SPATA16: variants seen among roughly 807,000 people sequenced by gnomAD.
SPATA16 encodes the protein spermatogenesis associated 16.
SPATA16 carries 36 observed loss-of-function variants against 63.3 expected under a neutral mutation model. The observed-to-expected ratio is 0.57, with a 90% confidence interval of 0.44 to 0.75. SPATA16 has a LOEUF of 0.75. Ranked by LOEUF, SPATA16 falls within the 30% of genes least tolerant of loss-of-function variation. The probability of loss-of-function intolerance (pLI) is 0.00; values close to 1 mark genes in which losing one functional copy is unlikely to be tolerated. For missense variants in SPATA16, 646 were observed against 679.3 expected (o/e 0.95, Z 0.54); for synonymous variants, 203 against 216.7 (o/e 0.94, Z 0.56).
chr3:172,933,695 A>G (rs1048541366), intron 6 of SPATA16, among the ~76,000 whole-genome samples: 17 of 152,206 alleles, frequency 1.1e-4, no homozygotes, highest in African/African-American at 3.9e-4. Context: ...CCACCTGTGG[A>G]TCTTCAAGTT....
intron 4 of SPATA16, among the ~76,000 whole-genome samples, chr3:173,003,252 CAGA>C (rs1734866562): frequency 6.6e-6 from 1 of 151,956 alleles, no homozygotes; most frequent in Non-Finnish European, 1.5e-5. Context: ...GAGTACTTTA[CAGA>C]AGAAGAAACA....
chr3:172,994,968 G>A (rs1349446841), intron 4 of SPATA16, among the ~76,000 whole-genome samples: 1 of 152,036 alleles, frequency 6.6e-6, no homozygotes, highest in African/African-American at 2.4e-5. Flanking sequence ...AGCCAAATGG[G>A]GGTGCTTGAA....
At chr3:173,007,558 C>G (rs1734970190) in intron 4 of SPATA16, among the ~76,000 whole-genome samples, 1 of 152,038 alleles carries the variant, frequency 6.6e-6, no homozygotes. Context: ...TATAAAATAG[C>G]TTTGAAATCC....
intron 10 of SPATA16, among the ~76,000 whole-genome samples, chr3:172,898,976 A>G (rs1732067745): frequency 6.6e-6 from 1 of 151,802 alleles, no homozygotes; most frequent in Non-Finnish European, 1.5e-5. Flanking sequence ...GAACTATCCA[A>G]GTATTTGCAG....
intron 4 of SPATA16, among the ~76,000 whole-genome samples, chr3:173,013,089 C>A (rs950336129): frequency 6.6e-6 from 1 of 151,988 alleles, no homozygotes; most frequent in Admixed American, 6.6e-5. Context: ...AATAAAAAAC[C>A]ATTAAAAATT....
At chr3:173,083,931 A>G (rs542697123) in intron 2 of SPATA16, among the ~76,000 whole-genome samples, 3 of 152,220 alleles carry the variant, frequency 2.0e-5, no homozygotes, top group South Asian at 2.1e-4. Flanking sequence ...GCTATTGTGA[A>G]TAGCGCTGCA....
intron 5 of SPATA16, among the ~76,000 whole-genome samples, chr3:172,973,080 A>G (rs993292730): frequency 2.6e-5 from 4 of 152,210 alleles, no homozygotes; most frequent in African/African-American, 9.6e-5. Context: ...CGTTATTGAC[A>G]TTAAAATGAA....
intron 4 of SPATA16, among the ~76,000 whole-genome samples, chr3:173,006,521 C>T (rs1368965301): frequency 2.0e-5 from 3 of 152,314 alleles, no homozygotes; most frequent in East Asian, 3.9e-4. Context: ...TGAATAAGAA[C>T]TAAGTTAAAC....
chr3:173,071,355 C>A (rs968999240), intron 2 of SPATA16, among the ~76,000 whole-genome samples: 1 of 152,010 alleles, frequency 6.6e-6, no homozygotes, highest in African/African-American at 2.4e-5. Context: ...CACCATTAAA[C>A]GATTAGAAGA....
intron 4 of SPATA16, among the ~76,000 whole-genome samples, chr3:172,983,280 GTTAA>G (rs1734363084): frequency 1.3e-5 from 2 of 150,082 alleles, no homozygotes; most frequent in South Asian, 4.2e-4. Context: ...TTTTCCCTAT[GTTAA>G]TTAATTAACC....
intron 2 of SPATA16, among the ~76,000 whole-genome samples, chr3:173,105,228 G>A (rs910047688): frequency 7.2e-5 from 11 of 152,184 alleles, no homozygotes; most frequent in African/African-American, 2.7e-4. Flanking sequence ...TGAACACATA[G>A]TTAACATAGT....
At chr3:172,892,648 G>C (rs1420761848) in intron 10 of SPATA16, among the ~76,000 whole-genome samples, 1 of 152,026 alleles carries the variant, frequency 6.6e-6, no homozygotes, top group Non-Finnish European at 1.5e-5. Flanking sequence ...GAAAAATGCT[G>C]GTTAAAGAGA....
At chr3:173,085,581 C>T (rs60713641) in intron 2 of SPATA16, among the ~76,000 whole-genome samples, 5,973 of 151,962 alleles carry the variant, frequency 0.039, 394 homozygotes, top group African/African-American at 0.14. Flanking sequence ...AGAGGGCATC[C>T]TTGTCTTGTG....
At chr3:173,112,938 ATGG>A (rs1381848118) in intron 2 of SPATA16, among the ~76,000 whole-genome samples, 1 of 151,552 alleles carries the variant, frequency 6.6e-6, no homozygotes, top group African/African-American at 2.4e-5. Context: ...TAAGATTGAA[ATGG>A]TGGTGTTGTT....
chr3:172,974,460 A>G (rs553917868), intron 5 of SPATA16, among the ~76,000 whole-genome samples: 1 of 152,082 alleles, frequency 6.6e-6, no homozygotes, highest in South Asian at 2.1e-4. Context: ...TGTATCTTTA[A>G]AGATGGCATA....
chr3:173,057,494 T>C (rs1462301259), intron 2 of SPATA16, among the ~76,000 whole-genome samples: 2 of 152,200 alleles, frequency 1.3e-5, no homozygotes, highest in Non-Finnish European at 2.9e-5. Flanking sequence ...GCTCTCTGAT[T>C]TTTTTCACCT....
At chr3:173,097,672 C>A (rs894601389) in intron 2 of SPATA16, among the ~76,000 whole-genome samples, 10 of 152,168 alleles carry the variant, frequency 6.6e-5, no homozygotes, top group African/African-American at 2.4e-4. Flanking sequence ...GACACCAAGC[C>A]ATTTACTGCA....
At chr3:173,010,489 G>C (rs1051678894) in intron 4 of SPATA16, among the ~76,000 whole-genome samples, 2 of 147,104 alleles carry the variant, frequency 1.4e-5, no homozygotes, top group Non-Finnish European at 3.0e-5. Flanking sequence ...TGTTTTTGTG[G>C]TGGGGCTCCC....
chr3:173,120,969 A>C (rs1738050503), intron 1 of SPATA16, among the ~76,000 whole-genome samples: 1 of 152,238 alleles, frequency 6.6e-6, no homozygotes, highest in Non-Finnish European at 1.5e-5. Context: ...TAGGGTGTAC[A>C]TAGAGCACTC....
Sources: allele counts gnomAD v4.1 joint callset (sites outside exome capture counted in the v4.1 genomes callset), GRCh38; gene constraint gnomAD v4.1.1; transcripts MANE v1.5; gene names NCBI Gene and HGNC (gene_info 2026-07-23, HGNC 2026-07-21).